ACSL5: variants seen among roughly 807,000 people sequenced by gnomAD.
ACSL5 encodes acyl-CoA synthetase long chain family member 5, also known as long-chain-fatty-acid--CoA ligase 5.
A neutral mutation model predicts 84.9 loss-of-function variants in ACSL5; 50 were observed. The ratio of observed to expected loss-of-function variants is 0.59; its 90% CI spans 0.47 to 0.75. ACSL5 has a LOEUF of 0.75. ACSL5 is among the 30% of genes least tolerant of loss of function. ACSL5 has a pLI of 0.00. For synonymous variants in ACSL5, 280 were observed against 300.7 expected, an observed-to-expected ratio of 0.93 and a Z score of 0.71; for missense variants, 775 against 830.4, an observed-to-expected ratio of 0.93 and a Z score of 0.82.
At chr10:112,425,188 C>A in intron 17 of ACSL5, 150 bp from the exon 18 acceptor site, 1 of 653,988 alleles carries the variant, frequency 1.5e-6, no homozygotes, top group Non-Finnish European at 2.5e-6. Flanking sequence ...TCCCCTTTCA[C>A]CAAAGCCAAG....
At chr10:112,381,800 C>T (rs1224776358) in intron 1 of ACSL5, among the ~76,000 whole-genome samples, 1 of 152,214 alleles carries the variant, frequency 6.6e-6, no homozygotes, top group Admixed American at 6.5e-5. Flanking sequence ...AACCTAGTCT[C>T]TACCAAAAAT....
At chr10:112,425,209 GA>G (rs1333376441) in intron 17 of ACSL5, 128 bp from the exon 18 acceptor site, 3 of 807,532 alleles carry the variant, frequency 3.7e-6, no homozygotes, top group African/African-American at 3.6e-5. Context: ...AAAGAGAAAT[GA>G]AAGACAGCTC....
rs144825152 is a variant in ACSL5 at position 112,413,160 on chromosome 10, G to A, written c.949-13G>A. 3.1e-6 allele frequency: 5 copies of A among 1,613,712 alleles called. No individual in the cohort carries two copies. Among genetic ancestry groups the A allele is most frequent in the Admixed American group, 1.7e-5 (1 of 59,982 alleles). ...GTTTGCCTCTAAGCTCTATAATTTG[G>A]TTTTGTTTTCAGGCTGTTGTGTACA... On this transcript the variant is annotated splice_polypyrimidine_tract_variant and intron_variant, in intron 11 of 20. Coordinates refer to ENST00000354655, the MANE Select transcript of ACSL5 (RefSeq NM_203379.2).
intron 16 of ACSL5, 110 bp from the exon 17 acceptor site, chr10:112,422,215 G>T: frequency 9.1e-7 from 1 of 1,095,964 alleles, no homozygotes; most frequent in African/African-American, 1.5e-5. Context: ...GCTCTTCACA[G>T]TGTAGTGGAA....
chr10:112,391,705 G>A (rs983378744), intron 1 of ACSL5, among the ~76,000 whole-genome samples: 2 of 152,180 alleles, frequency 1.3e-5, no homozygotes, highest in African/African-American at 4.8e-5. Context: ...TATGAAATGT[G>A]TTCTTGTTTA....
chr10:112,415,491 A>G (rs1442799332), intron 12 of ACSL5, among the ~76,000 whole-genome samples: 2 of 152,208 alleles, frequency 1.3e-5, no homozygotes, highest in African/African-American at 4.8e-5. Context: ...GCTCTTTGTC[A>G]GTGACTTGTT....
chr10:112,407,090 G>C (rs1246034332), intron 5 of ACSL5, among the ~76,000 whole-genome samples: 2 of 152,062 alleles, frequency 1.3e-5, no homozygotes, highest in African/African-American at 4.8e-5. Context: ...AGATCTCATG[G>C]GACTTATTTA....
At chr10:112,408,379 T>G (rs938187481) in intron 5 of ACSL5, 43 bp from the exon 6 acceptor site, 2 of 1,251,010 alleles carry the variant, frequency 1.6e-6, no homozygotes, top group Non-Finnish European at 2.3e-6. Flanking sequence ...CTGGTACTCT[T>G]CAGTGTGCCC....
In ACSL5 at chr10:112,410,468, A is replaced by G. The variant is rs754226278; in HGVS notation, c.717A>G (p.Leu239=). Residue 239 remains leucine, a synonymous_variant, in exon 8 of 21, where the codon CTA becomes CTG. Coordinates refer to ENST00000354655, the MANE Select transcript of ACSL5 (RefSeq NM_203379.2). ...EILSLYDAEN[L]GKEHFRKPVP... ...TTGGTTTTCCATTCACATAGAACCT[A>G]GGCAAAGAGCACTTCAGAAAACCTG... 11 of 1,614,176 alleles carry G rather than the reference A, an allele frequency of 6.8e-6. No homozygotes were observed. Among genetic ancestry groups the G allele is most frequent in the Non-Finnish European group, 9.3e-6 (11 of 1,180,004 alleles).
In ACSL5 at chr10:112,404,539, A is replaced by G; in HGVS notation, c.294A>G (p.Lys98=). Residue 98 remains lysine (K), a synonymous_variant, in exon 4 of 21, where the codon AAA becomes AAG. Transcript: ENST00000354655. ...SDNGPCLGYR[K]PNQPYRWLSY... ...ATGGGCCCTGCTTGGGATATAGAAA[A>G]CCAAACCAGCCCTACAGATGGCTAT... is the stretch of plus-strand genomic sequence containing the variant. 1 of 1,613,796 alleles carries G rather than the reference A, an allele frequency of 6.2e-7. No homozygotes were observed. Among genetic ancestry groups the G allele is most frequent in the Non-Finnish European group, 8.5e-7 (1 of 1,179,778 alleles).
At chr10:112,425,277 C>G in intron 17 of ACSL5, 61 bp from the exon 18 acceptor site, 1 of 1,445,604 alleles carries the variant, frequency 6.9e-7, no homozygotes, top group South Asian at 1.3e-5. Flanking sequence ...CTTCACCACT[C>G]TCCCCACTGA....
chr10:112,412,832 T>C (rs1844211430), intron 11 of ACSL5, among the ~76,000 whole-genome samples: 1 of 152,226 alleles, frequency 6.6e-6, no homozygotes, highest in Non-Finnish European at 1.5e-5. Flanking sequence ...ACATAATGAA[T>C]TGCGTCTTAC....
At chr10:112,409,291 G>A in intron 6 of ACSL5, 1 of 515,824 alleles carries the variant, frequency 1.9e-6, no homozygotes, top group South Asian at 2.9e-5. Context: ...TGTAAAATCT[G>A]CTGGCACAGT....
At chr10:112,422,271 C>T (rs745527763) in intron 16 of ACSL5, 54 bp from the exon 17 acceptor site, 93 of 1,491,450 alleles carry the variant, frequency 6.2e-5, no homozygotes, top group Non-Finnish European at 8.4e-5. Flanking sequence ...AAACTGCCCA[C>T]GCTGGGAGGA....
chr10:112,399,358 C>T (rs1843821770), intron 3 of ACSL5, among the ~76,000 whole-genome samples: 1 of 152,166 alleles, frequency 6.6e-6, no homozygotes, highest in Admixed American at 6.5e-5. Context: ...CTTTAACTCA[C>T]TAGTACCTCA....
intron 1 of ACSL5, chr10:112,376,492 G>A (rs777011040): frequency 6.2e-7 from 1 of 1,613,138 alleles, no homozygotes; most frequent in Non-Finnish European, 8.5e-7. Context: ...AGGGGGTCTT[G>A]TGAGGGTGTG....
chr10:112,378,310 C>T (rs867113812), intron 1 of ACSL5, among the ~76,000 whole-genome samples: 4 of 122,884 alleles, frequency 3.3e-5, no homozygotes, highest in South Asian at 2.9e-4. Flanking sequence ...GCAGTGGCAA[C>T]ATCTTGGCTC....
rs749555720 is a variant in ACSL5 at position 112,411,890 on chromosome 10, T to C, written c.871-12T>C. ...CTCATGTTGCCTCCTCTTACTTCCCTGGCCTACATAGCATGCTTATGAGCC... is the reference window on the plus strand; with the variant it reads ...CTCATGTTGCCTCCTCTTACTTCCCCGGCCTACATAGCATGCTTATGAGCC... On this transcript the variant is annotated splice_polypyrimidine_tract_variant and intron_variant, in intron 10 of 20. Coordinates refer to ENST00000354655, the MANE Select transcript of ACSL5 (RefSeq NM_203379.2). 4 of 1,610,840 alleles carry C rather than the reference T, an allele frequency of 2.5e-6. No individual in the cohort carries two copies. In the African/African-American group the frequency reaches 5.3e-5, roughly 22 times the overall value.
chr10:112,426,733 A>T, intron 19 of ACSL5, 55 bp from the exon 20 acceptor site: 1 of 1,518,324 alleles, frequency 6.6e-7, no homozygotes, highest in Non-Finnish European at 9.1e-7. Context: ...GTTCATGCTT[A>T]GCCCTTCAGG....
Sources: allele counts gnomAD v4.1 joint callset (sites outside exome capture counted in the v4.1 genomes callset), GRCh38; gene constraint gnomAD v4.1.1; transcripts MANE v1.5; gene names NCBI Gene and HGNC (gene_info 2026-07-23, HGNC 2026-07-21).